The following ARID1B variants were observed in gnomAD, a reference collection of about 807,000 sequenced individuals.
The protein encoded by ARID1B is AT-rich interaction domain 1B, also known as AT-rich interactive domain-containing protein 1B.
A neutral mutation model predicts 212.3 loss-of-function variants in ARID1B; 30 were observed. The observed-to-expected ratio is 0.14, with a 90% CI of 0.11 to 0.19. The LOEUF is 0.19. ARID1B is among the 10% of genes least tolerant of loss of function. The pLI, the probability that ARID1B is intolerant of heterozygous loss-of-function variation, is 1.00. For missense variants in ARID1B, 2,891 were observed against 3,204.0 expected, an observed-to-expected ratio of 0.90 and a Z score of 2.36; for synonymous variants, 1,402 against 1,301.7, an observed-to-expected ratio of 1.08 and a Z score of -1.66.
In ARID1B at chr6:157,184,348, A is replaced by G; in HGVS notation, c.3832A>G (p.Lys1278Glu). The change falls in exon 13 of 20, where the codon AAG becomes GAG. Residue 1278 changes from lysine to glutamate, a missense_variant. By Grantham distance (56) the Lys-to-Glu change is moderately conservative. Coordinates refer to ENST00000636930, the MANE Select transcript of ARID1B (RefSeq NM_001374828.1). ...TCAGTACCTGTTTGCCTTTGAGTGC[A>G]AGATCGAACGTGGGGAGGAGCCCCC... Reference protein sequence around the residue: ...YIQYLFAFECKIERGEEPPPE... With the variant: ...YIQYLFAFECEIERGEEPPPE... 6.2e-7 allele frequency: 1 copy of G among 1,614,214 alleles called. No individual in the cohort carries two copies. The highest frequency in any genetic ancestry group is 8.5e-7 in the Non-Finnish European group (1 of 1,180,036).
intron 2 of ARID1B, among the ~76,000 whole-genome samples, chr6:156,897,218 G>GCTGCTTCTTCTTCTTCTT (rs1554264583): frequency 8.8e-4 from 80 of 91,302 alleles, no homozygotes; most frequent in East Asian, 2.9e-3. Flanking sequence ...TGCTGCTGCT[G>GCTGCTTCTTCTTCTTCTT]CTTCTTCTTC....
chr6:156,976,067 C>T lies in ARID1B; in HGVS notation c.2247+40491C>T, dbSNP rs115181433. ...GGGGGAATATCATAAAGTACATAAG[C>T]GCAAGGGCTGGGAGGGGGTGTATTG... is the stretch of plus-strand genomic sequence containing the variant. On this transcript the variant is annotated intron_variant, in intron 4 of 19. Coordinates refer to ENST00000636930, the MANE Select transcript of ARID1B (RefSeq NM_001374828.1). Among the ~76,000 whole-genome samples the T allele has an allele frequency of 3.3e-4, 50 of 151,706 alleles. No individual in the cohort carries two copies. The South Asian group carries it at 4.2e-3, about 13-fold the overall frequency.
chr6:156,961,459 G>A (rs1794369189), intron 4 of ARID1B, among the ~76,000 whole-genome samples: 2 of 151,366 alleles, frequency 1.3e-5, no homozygotes, highest in Non-Finnish European at 1.5e-5. Flanking sequence ...CTTGGGCCCC[G>A]CCAGCAGCGG....
chr6:156,958,723 T>G (rs7770330), intron 4 of ARID1B, among the ~76,000 whole-genome samples: 2 of 151,916 alleles, frequency 1.3e-5, no homozygotes, highest in Non-Finnish European at 2.9e-5. Context: ...ATCGTCTTCC[T>G]CCTTCCTTTT....
chr6:157,127,662 G>T lies in ARID1B; in HGVS notation c.2582-5366G>T, dbSNP rs190535159. Among the ~76,000 whole-genome samples, 13 of 151,694 alleles carry T rather than the reference G, an allele frequency of 8.6e-5. No individual in the cohort carries two copies. In the East Asian group the frequency reaches 2.1e-3, roughly 25 times the overall value. On this transcript the variant is annotated intron_variant, in intron 6 of 19. Coordinates refer to ENST00000636930, the MANE Select transcript of ARID1B (RefSeq NM_001374828.1). ...ATGGTGGCAGGCGCCTGTAATCCCA[G>T]CTACTCAGGAGGCTGAGGCAGGAGA...
At chr6:156,817,555 A>G (rs2128002590) in intron 1 of ARID1B, among the ~76,000 whole-genome samples, 1 of 151,952 alleles carries the variant, frequency 6.6e-6, no homozygotes, top group South Asian at 2.1e-4. Context: ...GGTTGAGCCC[A>G]GGAGTTTGAG....
chr6:156,899,918 G>T (rs1162323972), intron 2 of ARID1B, among the ~76,000 whole-genome samples: 1 of 152,216 alleles, frequency 6.6e-6, no homozygotes, highest in Non-Finnish European at 1.5e-5. Context: ...AAAGATGCTT[G>T]TGTGAAATAT....
At chr6:156,967,909 G>C (rs1794883353) in intron 4 of ARID1B, among the ~76,000 whole-genome samples, 2 of 152,140 alleles carry the variant, frequency 1.3e-5, no homozygotes, top group African/African-American at 4.8e-5. Flanking sequence ...TTTTCTTTCA[G>C]TTAAGTGAAT....
intron 5 of ARID1B, among the ~76,000 whole-genome samples, chr6:157,107,029 CAACTACAATGGG>C (rs768396431): frequency 7.7e-4 from 118 of 152,272 alleles, no homozygotes; most frequent in South Asian, 1.5e-3. Flanking sequence ...AATACTTAAC[CAACTACAATGGG>C]AAAATAGATT....
chr6:156,924,353 TA>T (rs1218058035), intron 3 of ARID1B, among the ~76,000 whole-genome samples: 1 of 152,262 alleles, frequency 6.6e-6, no homozygotes, highest in Non-Finnish European at 1.5e-5. Flanking sequence ...CTTTGCTTAT[TA>T]AGTCAAGAAC....
intron 2 of ARID1B, among the ~76,000 whole-genome samples, chr6:156,835,863 T>C (rs1395415684): frequency 6.6e-6 from 1 of 152,098 alleles, no homozygotes; most frequent in African/African-American, 2.4e-5. Flanking sequence ...CACCTCAGCC[T>C]CCCAAGCAGT....
At chr6:157,022,254 G>T (rs377436105) in intron 4 of ARID1B, 3 of 152,456 alleles carry the variant, frequency 2.0e-5, no homozygotes, top group East Asian at 3.9e-4. Flanking sequence ...CACCGAGGCT[G>T]GGCGGCTTAG....
In ARID1B at chr6:156,783,528, G is replaced by C. The variant is rs186523853; in HGVS notation, c.1791+4057G>C. Among the ~76,000 whole-genome samples the C allele has an allele frequency of 2.7e-3, 410 of 152,110 alleles. 1 individual carries two copies. The highest frequency in any genetic ancestry group is 0.024 in the Admixed American group (365 of 15,272). Reference sequence around the variant, plus strand: ...TAGACTTTATTTCTTTATGATTCTGGGCAGGGTGTATCTATCTAAAAAGAT... The same window carrying C: ...TAGACTTTATTTCTTTATGATTCTGCGCAGGGTGTATCTATCTAAAAAGAT... On this transcript the variant is annotated intron_variant, in intron 1 of 19. Coordinates refer to ENST00000636930, the MANE Select transcript of ARID1B (RefSeq NM_001374828.1).
intron 7 of ARID1B, among the ~76,000 whole-genome samples, chr6:157,143,475 T>G (rs1789514152): frequency 7.3e-6 from 1 of 137,152 alleles, no homozygotes; most frequent in Non-Finnish European, 1.6e-5. Flanking sequence ...CATGCACACA[T>G]TTTTAAAAGA....
intron 7 of ARID1B, among the ~76,000 whole-genome samples, chr6:157,139,296 G>C (rs191326375): frequency 6.6e-6 from 1 of 152,194 alleles, no homozygotes; most frequent in East Asian, 1.9e-4. Flanking sequence ...GTGGCACCTA[G>C]AGAGGCAGGG....
chr6:156,832,626 C>G (rs935048498), intron 2 of ARID1B, among the ~76,000 whole-genome samples: 8 of 152,148 alleles, frequency 5.3e-5, no homozygotes, highest in Non-Finnish European at 1.0e-4. Context: ...GTCTTTGGCT[C>G]AGGGGTCACA....
chr6:157,084,986 T>G, intron 5 of ARID1B, 81 bp downstream of exon 5: 2 of 1,501,534 alleles, frequency 1.3e-6, no homozygotes, highest in East Asian at 4.5e-5. Context: ...TCACATTACT[T>G]TACTATTTAA....
At chr6:156,824,595 T>C (rs1344113261) in intron 1 of ARID1B, among the ~76,000 whole-genome samples, 1 of 152,042 alleles carries the variant, frequency 6.6e-6, no homozygotes, top group Non-Finnish European at 1.5e-5. Flanking sequence ...CAAAATCCTG[T>C]CTCTACAAAA....
chr6:157,208,409 A>G lies in ARID1B; in HGVS notation c.*518A>G, dbSNP rs1252258296. On this transcript the variant is annotated 3_prime_UTR_variant, in exon 20 of 20. Transcript: ENST00000636930. ...AATAGAAATTTCTACAGATACAGGT[A>G]TAGGGGCTCAAGGAGGTATGTCGGT... is the stretch of plus-strand genomic sequence containing the variant. 8.6e-6 allele frequency: 2 copies of G among 233,388 alleles called. No individual in the cohort carries two copies. Among genetic ancestry groups the G allele is most frequent in the Admixed American group, 1.1e-4 (2 of 17,782 alleles). 14.5% of individuals were successfully genotyped at this position (233,388 alleles called of 1,614,324 possible).
Sources: allele counts gnomAD v4.1 joint callset (sites outside exome capture counted in the v4.1 genomes callset), GRCh38; gene constraint gnomAD v4.1.1; transcripts MANE v1.5; gene names NCBI Gene and HGNC (gene_info 2026-07-23, HGNC 2026-07-21).